Variants in NXPH2 observed in about 807,000 individuals in gnomAD.
NXPH2 encodes neurexophilin-2.
A neutral mutation model predicts 19.8 loss-of-function variants in NXPH2; 5 were observed. The ratio of observed to expected loss-of-function variants is 0.25; its 90% CI spans 0.13 to 0.53. NXPH2 has a LOEUF of 0.53. Among genes scored for constraint, NXPH2 ranks in the 20% least tolerant of loss-of-function variants. The pLI, the probability that NXPH2 is intolerant of heterozygous loss-of-function variation, is 0.96. For missense variants in NXPH2, 289 were observed against 322.8 expected (o/e 0.90, Z 0.80); for synonymous variants, 154 against 127.4 (o/e 1.21, Z -1.41).
In NXPH2 at chr2:138,733,741, T is replaced by A. The variant is rs1449965401; in HGVS notation, c.51+46450A>T. ...CTATCAAAGGAGGCTACTGTACCCA[T>A]GGGGCTCAGACTCCATCCTGATATT... On this transcript the variant is annotated intron_variant, in intron 1 of 1. Transcript: ENST00000272641. 3.9e-5 allele frequency among the ~76,000 whole-genome samples: 6 copies of A among 152,280 alleles called. No individual in the cohort carries two copies. The East Asian group carries it at 1.2e-3, about 29-fold the overall frequency.
intron 1 of NXPH2, among the ~76,000 whole-genome samples, chr2:138,729,844 GTT>G (rs1176402164): frequency 1.3e-4 from 20 of 152,136 alleles, no homozygotes. Flanking sequence ...AACTGTGTGG[GTT>G]TATGTCTTCT....
chr2:138,769,101 A>T (rs936489337), intron 1 of NXPH2, among the ~76,000 whole-genome samples: 1 of 152,254 alleles, frequency 6.6e-6, no homozygotes, highest in African/African-American at 2.4e-5. Context: ...GAGAATCGCA[A>T]TCTCACTCTT....
At chr2:138,690,889 C>A (rs773977345) in intron 1 of NXPH2, among the ~76,000 whole-genome samples, 5 of 152,218 alleles carry the variant, frequency 3.3e-5, no homozygotes, top group African/African-American at 9.7e-5. Context: ...AGAAACCCAA[C>A]ACGAGATGCA....
At chr2:138,698,803 A>G (rs1415995975) in intron 1 of NXPH2, among the ~76,000 whole-genome samples, 2 of 152,184 alleles carry the variant, frequency 1.3e-5, no homozygotes, top group Non-Finnish European at 2.9e-5. Flanking sequence ...GCAGTAAGCT[A>G]TGATCACACC....
At chr2:138,700,367 C>A (rs973159778) in intron 1 of NXPH2, among the ~76,000 whole-genome samples, 2 of 152,134 alleles carry the variant, frequency 1.3e-5, no homozygotes, top group African/African-American at 2.4e-5. Context: ...CACCTATCGA[C>A]ATCTGGTGCT....
At chr2:138,754,837 G>C (rs558422959) in intron 1 of NXPH2, among the ~76,000 whole-genome samples, 26 of 152,098 alleles carry the variant, frequency 1.7e-4, no homozygotes, top group Non-Finnish European at 3.2e-4. Context: ...GATCAGCAAT[G>C]AATGAGAGTT....
intron 1 of NXPH2, among the ~76,000 whole-genome samples, chr2:138,714,382 G>C (rs1681157709): frequency 6.6e-6 from 1 of 152,016 alleles, no homozygotes; most frequent in African/African-American, 2.4e-5. Flanking sequence ...CTTAATAATG[G>C]ATATATCTTT....
At chr2:138,676,651 TGGACGGAAATTACTGG>T (rs1392132038) in intron 1 of NXPH2, among the ~76,000 whole-genome samples, 1 of 152,194 alleles carries the variant, frequency 6.6e-6, no homozygotes, top group Non-Finnish European at 1.5e-5. Context: ...ACTAAAAGAA[TGGACGGAAATTACTGG>T]GCCTATTAAG....
intron 1 of NXPH2, among the ~76,000 whole-genome samples, chr2:138,686,946 C>A (rs1031696063): frequency 1.2e-4 from 18 of 152,160 alleles, no homozygotes; most frequent in African/African-American, 4.1e-4. Context: ...TTAATCCAGT[C>A]TATCATTGAT....
chr2:138,760,508 G>C (rs547549153), intron 1 of NXPH2, among the ~76,000 whole-genome samples: 1 of 152,234 alleles, frequency 6.6e-6, no homozygotes, highest in African/African-American at 2.4e-5. Context: ...ATGCTGTCAG[G>C]GTCCTGAATA....
intron 1 of NXPH2, among the ~76,000 whole-genome samples, chr2:138,745,588 T>A (rs1681715591): frequency 6.7e-6 from 1 of 148,420 alleles, no homozygotes; most frequent in African/African-American, 2.5e-5. Context: ...AACAGAAAAA[T>A]AGAGAAACAT....
Position 138,670,282 on chromosome 2 carries a change from C to A in NXPH2, c.*640G>T, listed in dbSNP as rs1467557340. Among the ~76,000 whole-genome samples, 1 of 152,146 alleles carries A rather than the reference C, an allele frequency of 6.6e-6. No individual in the cohort carries two copies. The highest frequency in any genetic ancestry group is 2.4e-5 in the African/African-American group (1 of 41,432). ...TCAGGGGGAATCATAAGAATGGTGA[C>A]CAACACAGGGCTAAGTGCTCAAATC... On this transcript the variant is annotated 3_prime_UTR_variant, in exon 2 of 2. Transcript: ENST00000272641.
chr2:138,744,389 G>A lies in NXPH2; in HGVS notation c.51+35802C>T, dbSNP rs118076212. The stretch of plus-strand genomic sequence containing the variant: ...GCTTTTCCAGAGGGAGGGAATGAGA[G>A]AGAATAGTAATGCATTGTTATCTTT... On this transcript the variant is annotated intron_variant, in intron 1 of 1. Coordinates refer to ENST00000272641, the MANE Select transcript of NXPH2 (RefSeq NM_007226.3). Among the ~76,000 whole-genome samples, 243 of 152,162 alleles carry A rather than the reference G, an allele frequency of 1.6e-3. 9 individuals carry two copies. In the East Asian group the frequency reaches 0.043, roughly 27 times the overall value.
chr2:138,713,379 T>C (rs67616753), intron 1 of NXPH2, among the ~76,000 whole-genome samples: 22,197 of 152,088 alleles, frequency 0.15, 1,977 homozygotes, highest in African/African-American at 0.23. Context: ...CCCCCAGCCA[T>C]CTTTAGAAGC....
At chr2:138,775,592 A>G (rs1399328554) in intron 1 of NXPH2, among the ~76,000 whole-genome samples, 2 of 152,162 alleles carry the variant, frequency 1.3e-5, no homozygotes, top group African/African-American at 2.4e-5. Flanking sequence ...AGTACAATAT[A>G]TATGTTAACT....
rs185586622 is a variant in NXPH2 at position 138,771,218 on chromosome 2, A to G, written c.51+8973T>C. ...TTAGAAAGATTAAATATATTATGGC[A>G]TATCAATGCCATGAAATACAGTGAA... On this transcript the variant is annotated intron_variant, in intron 1 of 1. Transcript: ENST00000272641. Among the ~76,000 whole-genome samples the G allele has an allele frequency of 6.1e-4, 93 of 152,316 alleles. 4 individuals are homozygous for G. Among genetic ancestry groups the G allele is most frequent in the South Asian group, 6.0e-3 (29 of 4,832 alleles).
At chr2:138,707,443 C>T (rs994977348) in intron 1 of NXPH2, among the ~76,000 whole-genome samples, 1 of 152,090 alleles carries the variant, frequency 6.6e-6, no homozygotes, top group Non-Finnish European at 1.5e-5. Context: ...GTGGCCTGAT[C>T]TGGGGGGGAG....
chr2:138,773,321 C>T (rs1404067943), intron 1 of NXPH2, among the ~76,000 whole-genome samples: 1 of 152,178 alleles, frequency 6.6e-6, no homozygotes, highest in African/African-American at 2.4e-5. Flanking sequence ...AGCCATATTC[C>T]TCAAGCCAAT....
intron 1 of NXPH2, among the ~76,000 whole-genome samples, chr2:138,680,364 G>A (rs910070236): frequency 1.3e-5 from 2 of 152,238 alleles, no homozygotes; most frequent in Admixed American, 1.3e-4. Flanking sequence ...CTGCACCCCA[G>A]AGAAGTGAGG....
Sources: gnomAD v4.1 joint callset for allele counts (sites outside exome capture counted in the v4.1 genomes callset) on GRCh38, gnomAD v4.1.1 for gene constraint, MANE v1.5 for transcripts, NCBI Gene and HGNC (gene_info 2026-07-23, HGNC 2026-07-21) for gene names.